RBFOX1: variants seen among roughly 807,000 people sequenced by gnomAD.
The protein encoded by RBFOX1 is RNA binding fox-1 homolog 1, also known as RNA binding protein fox-1 homolog 1.
A neutral mutation model predicts 57.7 loss-of-function variants in RBFOX1; 8 were observed. The ratio of observed to expected loss-of-function variants is 0.14; its 90% CI spans 0.08 to 0.25. The LOEUF (loss-of-function observed/expected upper bound fraction) is 0.25, where lower values mean the gene tolerates loss of function less well. Among genes scored for constraint, RBFOX1 ranks in the 10% least tolerant of loss-of-function variants. RBFOX1 has a pLI of 1.00. For missense variants in RBFOX1, 611 were observed against 548.5 expected (o/e 1.11, Z -1.14); for synonymous variants, 326 against 222.4 (o/e 1.47, Z -4.15).
At chr16:5,570,645 G>T (rs1354722182) in intron 2 of RBFOX1, among the ~76,000 whole-genome samples, 1 of 152,076 alleles carries the variant, frequency 6.6e-6, no homozygotes, top group Non-Finnish European at 1.5e-5. Flanking sequence ...TTTGAGACCA[G>T]CCTTGCCAAC....
chr16:6,697,267 C>T (rs1258217885), intron 3 of RBFOX1, among the ~76,000 whole-genome samples: 1 of 152,084 alleles, frequency 6.6e-6, no homozygotes, highest in Non-Finnish European at 1.5e-5. Flanking sequence ...TTTTCTGCAT[C>T]TTAAGTCCTT....
intron 1 of RBFOX1, among the ~76,000 whole-genome samples, chr16:6,106,928 C>T (rs1163324631): frequency 6.6e-6 from 1 of 152,126 alleles, no homozygotes; most frequent in Admixed American, 6.5e-5. Flanking sequence ...TCCTTGGCCT[C>T]CCAAAGGGCT....
chr16:6,235,429 C>G (rs1598646751), intron 1 of RBFOX1, among the ~76,000 whole-genome samples: 2 of 152,082 alleles, frequency 1.3e-5, no homozygotes, highest in Admixed American at 6.6e-5. Context: ...AAGAGGTCAT[C>G]ATATGAAAAA....
intron 2 of RBFOX1, among the ~76,000 whole-genome samples, chr16:5,523,147 T>G (rs9933777): frequency 0.48 from 73,505 of 151,906 alleles, 20,907 homozygotes; most frequent in East Asian, 0.96. Context: ...TTAGCTGGGT[T>G]TGGTGGTGCA....
chr16:6,726,331 A>G (rs1013864554), intron 3 of RBFOX1, among the ~76,000 whole-genome samples: 3 of 152,170 alleles, frequency 2.0e-5, no homozygotes, highest in African/African-American at 7.2e-5. Flanking sequence ...TACTACCTGT[A>G]AAGAGGCAAA....
chr16:5,793,392 C>T (rs2054769900), intron 3 of RBFOX1, among the ~76,000 whole-genome samples: 1 of 152,250 alleles, frequency 6.6e-6, no homozygotes, highest in African/African-American at 2.4e-5. Context: ...TTAGAAATCT[C>T]CCTTGGTGAA....
At chr16:7,388,321 C>T (rs780936056) in intron 4 of RBFOX1, among the ~76,000 whole-genome samples, 1 of 152,112 alleles carries the variant, frequency 6.6e-6, no homozygotes, top group Non-Finnish European at 1.5e-5. Flanking sequence ...TTCCTGAATA[C>T]AAGTGGCAAT....
chr16:7,260,229 T>A (rs968167312), intron 4 of RBFOX1, among the ~76,000 whole-genome samples: 2 of 152,216 alleles, frequency 1.3e-5, no homozygotes, highest in Non-Finnish European at 2.9e-5. Context: ...TTGTTGCATA[T>A]AGAACAAATA....
intron 4 of RBFOX1, among the ~76,000 whole-genome samples, chr16:7,092,858 C>T (rs1481713427): frequency 1.3e-5 from 2 of 152,178 alleles, no homozygotes; most frequent in Non-Finnish European, 2.9e-5. Context: ...GCTGGGACAT[C>T]CGCCTTTTCA....
At chr16:6,923,877 G>C (rs1410663817) in intron 3 of RBFOX1, among the ~76,000 whole-genome samples, 4 of 152,050 alleles carry the variant, frequency 2.6e-5, no homozygotes, top group Non-Finnish European at 5.9e-5. Flanking sequence ...TTGCTATAAA[G>C]AAATACCTGA....
chr16:7,594,249 G>T (rs543910904), intron 7 of RBFOX1, among the ~76,000 whole-genome samples: 3 of 151,776 alleles, frequency 2.0e-5, no homozygotes, highest in Non-Finnish European at 2.9e-5. Flanking sequence ...ATCACCAGTT[G>T]GTTATAACTA....
At chr16:5,268,045 T>C (rs566942716) in intron 1 of RBFOX1, among the ~76,000 whole-genome samples, 3 of 152,026 alleles carry the variant, frequency 2.0e-5, no homozygotes, top group Admixed American at 1.3e-4. Context: ...CACCGCTGCA[T>C]TCCAGCCTGG....
At position 5,921,969 on chromosome 16, in the gene RBFOX1, C is replaced by T. The variant is rs1021234650; in HGVS notation, c.351+54634C>T. Among the ~76,000 whole-genome samples the T allele has an allele frequency of 1.5e-4, 22 of 151,168 alleles. No individual in the cohort carries two copies. In the South Asian group the frequency reaches 1.5e-3, roughly 10 times the overall value. ...GAGTTTGCGACTAGCATGAGCAACA[C>T]AGCTGGACGCCATCTTCACAAAAAA... On this transcript the variant is annotated intron_variant, in intron 4 of 19. Coordinates refer to the RBFOX1 transcript ENST00000641259.
chr16:5,565,011 C>G (rs2046015779), intron 2 of RBFOX1, among the ~76,000 whole-genome samples: 1 of 152,144 alleles, frequency 6.6e-6, no homozygotes, highest in South Asian at 2.1e-4. Context: ...CCTAGCCACT[C>G]ACATTGTTTA....
intron 4 of RBFOX1, among the ~76,000 whole-genome samples, chr16:7,068,070 C>T (rs147984026): frequency 2.6e-3 from 390 of 150,464 alleles, no homozygotes; most frequent in Non-Finnish European, 3.9e-3. Flanking sequence ...TTGTATCTGT[C>T]GGACTGGTTT....
At chr16:5,606,100 C>G (rs1281766983) in intron 3 of RBFOX1, among the ~76,000 whole-genome samples, 1 of 152,208 alleles carries the variant, frequency 6.6e-6, no homozygotes, top group Non-Finnish European at 1.5e-5. Context: ...GATCAGTTCA[C>G]TTGCTGAACC....
chr16:5,345,931 C>A (rs1490962680), intron 1 of RBFOX1, among the ~76,000 whole-genome samples: 1 of 152,174 alleles, frequency 6.6e-6, no homozygotes, highest in African/African-American at 2.4e-5. Flanking sequence ...TGGAAGAAAC[C>A]CTGCTAATTA....
intron 13 of RBFOX1, among the ~76,000 whole-genome samples, chr16:7,674,943 C>G (rs983928409): frequency 1.3e-5 from 2 of 152,210 alleles, no homozygotes; most frequent in Non-Finnish European, 2.9e-5. Context: ...GGACCAAATT[C>G]AGTCACCAAA....
chr16:7,362,032 A>C (rs1440947800), intron 4 of RBFOX1, among the ~76,000 whole-genome samples: 1 of 147,470 alleles, frequency 6.8e-6, no homozygotes, highest in Non-Finnish European at 1.5e-5. Flanking sequence ...TTGTGTGTAC[A>C]TGTGTTAGTG....
Sources: gnomAD v4.1 joint callset for allele counts (sites outside exome capture counted in the v4.1 genomes callset) on GRCh38, gnomAD v4.1.1 for gene constraint, MANE v1.5 for transcripts, NCBI Gene and HGNC (gene_info 2026-07-23, HGNC 2026-07-21) for gene names.